The following SNX24 variants were observed in gnomAD, a reference collection of about 807,000 sequenced individuals.
SNX24 encodes sorting nexin 24.
Under a neutral mutation model 28.7 loss-of-function variants are expected in SNX24, and 22 were observed. The ratio of observed to expected loss-of-function variants is 0.77; its 90% confidence interval spans 0.55 to 1.10. The LOEUF is 1.10. Among genes scored for constraint, SNX24 ranks in the 50% least tolerant of loss-of-function variants. The pLI is 0.00. For missense variants in SNX24, 221 were observed against 201.1 expected, an observed-to-expected ratio of 1.10 and a Z score of -0.60; for synonymous variants, 69 against 71.5, an observed-to-expected ratio of 0.96 and a Z score of 0.18.
At chr5:122,923,709 G>A (rs952680638) in intron 1 of SNX24, among the ~76,000 whole-genome samples, 2 of 152,120 alleles carry the variant, frequency 1.3e-5, no homozygotes, top group Non-Finnish European at 2.9e-5. Context: ...GGTCCAAAAA[G>A]GACCATAATT....
intron 1 of SNX24, among the ~76,000 whole-genome samples, chr5:122,860,573 C>CA (rs1755413122): frequency 6.6e-6 from 1 of 152,110 alleles, no homozygotes; most frequent in South Asian, 2.1e-4. Context: ...ACATTTCTAA[C>CA]AATTTTTAAA....
intron 4 of SNX24, 62 bp downstream of exon 4, chr5:123,000,068 C>G: frequency 8.9e-7 from 1 of 1,121,996 alleles, no homozygotes; most frequent in Non-Finnish European, 1.4e-6. Context: ...ACCAATTGAT[C>G]TAACAAATAG....
intron 1 of SNX24, among the ~76,000 whole-genome samples, chr5:122,917,447 C>T (rs1001592119): frequency 6.6e-6 from 1 of 152,074 alleles, no homozygotes; most frequent in Non-Finnish European, 1.5e-5. Flanking sequence ...ACAGGTTTTT[C>T]ACTTCTTTAT....
chr5:122,994,054 ATG>A (rs989819122), intron 3 of SNX24, among the ~76,000 whole-genome samples: 9 of 151,654 alleles, frequency 5.9e-5, no homozygotes, highest in African/African-American at 2.2e-4. Flanking sequence ...GTGTGTGTGT[ATG>A]TGTGTGTGTG....
At chr5:122,879,509 G>A (rs1756381973) in intron 1 of SNX24, among the ~76,000 whole-genome samples, 1 of 152,106 alleles carries the variant, frequency 6.6e-6, no homozygotes, top group South Asian at 2.1e-4. Context: ...ATGGAACTGT[G>A]GAATTAAGAG....
In SNX24 at chr5:123,007,941, G is replaced by C; in HGVS notation, c.*192G>C. On this transcript the variant is annotated 3_prime_UTR_variant, in exon 7 of 7. Transcript: ENST00000261369. ...GCTCTTAAAAATAGAAACTGAACCG[G>C]GGCGGTGGTCAGGCTAAGGCCAAGT... is the stretch of plus-strand genomic sequence containing the variant. 2 of 1,372,522 alleles carry C rather than the reference G, an allele frequency of 1.5e-6. No individual in the cohort carries two copies. Among genetic ancestry groups the C allele is most frequent in the Non-Finnish European group, 1.9e-6 (2 of 1,058,794 alleles). 85.0% of individuals were successfully genotyped at this position (1,372,522 alleles called of 1,614,324 possible). A position where few individuals can be genotyped will look rare whatever the true frequency, so the allele number is the denominator to read the frequency against.
chr5:122,899,494 G>A (rs1343763704), intron 1 of SNX24, among the ~76,000 whole-genome samples: 5 of 151,992 alleles, frequency 3.3e-5, no homozygotes, highest in Non-Finnish European at 5.9e-5. Context: ...CTGAATCCTC[G>A]AATTCGCAGG....
At chr5:122,971,976 C>A (rs557803198) in intron 3 of SNX24, among the ~76,000 whole-genome samples, 1 of 152,298 alleles carries the variant, frequency 6.6e-6, no homozygotes, top group South Asian at 2.1e-4. Flanking sequence ...TCCCATTCAC[C>A]TTAAATCACA....
At chr5:122,922,437 T>G (rs546749042) in intron 1 of SNX24, among the ~76,000 whole-genome samples, 4 of 151,922 alleles carry the variant, frequency 2.6e-5, no homozygotes, top group African/African-American at 4.8e-5. Flanking sequence ...ATTTTTAGTA[T>G]AGACGGGGTT....
At chr5:122,999,859 G>T in intron 3 of SNX24, 53 bp from the exon 4 acceptor site, 3 of 1,025,014 alleles carry the variant, frequency 2.9e-6, no homozygotes, top group South Asian at 2.5e-5. Context: ...TCATTTGATT[G>T]ATCACCTAGC....
At chr5:122,866,785 A>G (rs1346822214) in intron 1 of SNX24, among the ~76,000 whole-genome samples, 1 of 152,076 alleles carries the variant, frequency 6.6e-6, no homozygotes, top group Non-Finnish European at 1.5e-5. Context: ...TGGCACAGTA[A>G]CTCCCATTTT....
intron 3 of SNX24, among the ~76,000 whole-genome samples, chr5:122,965,064 AAGC>A (rs1350787492): frequency 6.6e-6 from 1 of 152,220 alleles, no homozygotes; most frequent in African/African-American, 2.4e-5. Flanking sequence ...TGTGCAAACT[AAGC>A]AAGTCAAGAG....
chr5:123,001,485 A>C (rs780683619), intron 5 of SNX24, 48 bp downstream of exon 5: 3 of 1,332,392 alleles, frequency 2.3e-6, no homozygotes, highest in Admixed American at 1.8e-5. Context: ...GGTTTTGCTA[A>C]ATGTTTAATC....
intron 4 of SNX24, 107 bp downstream of exon 4, chr5:123,000,113 C>A: frequency 1.3e-6 from 1 of 759,670 alleles, no homozygotes; most frequent in Non-Finnish European, 2.3e-6. Context: ...GCCGGCCACG[C>A]CCACTCTTTT....
intron 2 of SNX24, among the ~76,000 whole-genome samples, chr5:122,941,786 C>T (rs1489523869): frequency 6.6e-6 from 1 of 152,158 alleles, no homozygotes; most frequent in Non-Finnish European, 1.5e-5. Context: ...ACTAGAGGAT[C>T]AGTTTCTACT....
chr5:122,946,026 C>G, intron 2 of SNX24, 29 bp from the exon 3 acceptor site: 13 of 701,180 alleles, frequency 1.9e-5, no homozygotes, highest in South Asian at 2.8e-5. Context: ...TTTTTTTTTT[C>G]TTTTTCTTTT....
In SNX24 at chr5:122,946,005, G is replaced by T. The variant is rs201255153; in HGVS notation, c.145-50G>T. 1.0e-4 allele frequency: 96 copies of T among 959,956 alleles called. No homozygotes were observed. The East Asian group carries it at 2.6e-3, about 26-fold the overall frequency. The allele number at this position is 959,956 out of a possible 1,614,324, so 59.5% of individuals were successfully genotyped here. A position where few individuals can be genotyped will look rare whatever the true frequency, so the allele number is the denominator to read the frequency against. ...CCAAATAATATCACTATAATTAACA[G>T]ACATCTCTGTTTTTTTTTTTCTTTT... On this transcript the variant is annotated intron_variant, in intron 2 of 6. Transcript: ENST00000261369.
At chr5:122,996,435 T>A (rs1448955933) in intron 3 of SNX24, among the ~76,000 whole-genome samples, 1 of 152,172 alleles carries the variant, frequency 6.6e-6, no homozygotes, top group Non-Finnish European at 1.5e-5. Flanking sequence ...TATAGATGTA[T>A]GTATGTTTTC....
intron 3 of SNX24, among the ~76,000 whole-genome samples, chr5:122,966,921 C>T (rs1760738644): frequency 6.6e-6 from 1 of 152,158 alleles, no homozygotes; most frequent in Non-Finnish European, 1.5e-5. Context: ...TCCTCAAACC[C>T]CAGAATGTCC....
Sources: gnomAD v4.1 joint callset for allele counts (sites outside exome capture counted in the v4.1 genomes callset) on GRCh38, gnomAD v4.1.1 for gene constraint, MANE v1.5 for transcripts, NCBI Gene and HGNC (gene_info 2026-07-23, HGNC 2026-07-21) for gene names.